Variants in RAD54L2 observed in about 807,000 individuals in gnomAD.
RAD54L2 encodes the protein RAD54 like 2.
RAD54L2 carries 27 observed loss-of-function variants against 138.4 expected under a neutral mutation model. That is an observed-to-expected ratio of 0.20 (90% CI 0.14 to 0.27). The LOEUF (loss-of-function observed/expected upper bound fraction) is 0.27. Ranked by LOEUF, RAD54L2 falls within the 10% of genes least tolerant of loss-of-function variation. RAD54L2 has a pLI of 1.00. For synonymous variants in RAD54L2, 644 were observed against 723.2 expected, an observed-to-expected ratio of 0.89 and a Z score of 1.76; for missense variants, 1,396 against 1,890.2, an observed-to-expected ratio of 0.74 and a Z score of 4.85.
chr3:51,586,475 T>C, intron 2 of RAD54L2, among the ~76,000 whole-genome samples: 1 of 151,632 alleles, frequency 6.6e-6, no homozygotes. Context: ...CACAATTTCT[T>C]CTCTAGAATG....
intron 2 of RAD54L2, among the ~76,000 whole-genome samples, chr3:51,549,177 A>G (rs1698774405): frequency 6.6e-6 from 1 of 151,990 alleles, no homozygotes. Flanking sequence ...TATTTGTAGT[A>G]GAGATGGGGT....
At chr3:51,650,142 G>A (rs998637721) in intron 19 of RAD54L2, among the ~76,000 whole-genome samples, 7 of 152,184 alleles carry the variant, frequency 4.6e-5, no homozygotes, top group African/African-American at 4.8e-5. Flanking sequence ...AATCCTAGTC[G>A]CTATTAAAAT....
chr3:51,631,734 C>G (rs183589581), intron 7 of RAD54L2, among the ~76,000 whole-genome samples: 4 of 152,046 alleles, frequency 2.6e-5, no homozygotes, highest in African/African-American at 9.7e-5. Flanking sequence ...ACTCCCTGGG[C>G]TCAGGTGATC....
At chr3:51,643,801 A>C (rs1336311590) in intron 15 of RAD54L2, 74 bp from the exon 16 acceptor site, 1 of 1,163,826 alleles carries the variant, frequency 8.6e-7, no homozygotes, top group Non-Finnish European at 1.3e-6. Context: ...TCTTTAAAAC[A>C]TATTTGCCCA....
intron 2 of RAD54L2, among the ~76,000 whole-genome samples, chr3:51,547,574 CT>C (rs1224015910): frequency 6.3e-3 from 848 of 134,016 alleles, no homozygotes; most frequent in African/African-American, 7.0e-3. Context: ...TTATAAAACA[CT>C]TTTTTTTTTT....
intron 21 of RAD54L2, among the ~76,000 whole-genome samples, chr3:51,659,357 G>A (rs554226514): frequency 3.3e-5 from 5 of 152,048 alleles, no homozygotes; most frequent in Admixed American, 1.3e-4. Flanking sequence ...CACCCGCCTC[G>A]GCCTCCCAAA....
At chr3:51,625,082 C>G (rs564792783) in intron 3 of RAD54L2, among the ~76,000 whole-genome samples, 2 of 152,120 alleles carry the variant, frequency 1.3e-5, no homozygotes, top group East Asian at 3.9e-4. Flanking sequence ...TGTTTCTTAC[C>G]CCAAAGACAC....
rs1701927184 is a variant in RAD54L2 at position 51,667,128 on chromosome 3, T to C, written c.*3708T>C. 1 of 152,142 alleles carries C rather than the reference T, an allele frequency of 6.6e-6. No individual in the cohort carries two copies. Among genetic ancestry groups the C allele is most frequent in the South Asian group, 2.1e-4 (1 of 4,822 alleles). 9.4% of individuals were successfully genotyped at this position (152,142 alleles called of 1,614,324 possible). ...GGTCTTCTGGGGGCTTTACATTCCT[T>C]GTTACTAGTGTTCTGGATATTACCT... On this transcript the variant is annotated 3_prime_UTR_variant, in exon 23 of 23. Coordinates refer to ENST00000684192, the MANE Select transcript of RAD54L2 (RefSeq NM_015106.4).
chr3:51,548,760 G>A (rs1054560688), intron 2 of RAD54L2, among the ~76,000 whole-genome samples: 2 of 151,700 alleles, frequency 1.3e-5, no homozygotes, highest in East Asian at 3.9e-4. Context: ...ATACACACAA[G>A]GAAGATAGTC....
chr3:51,646,263 C>T, intron 18 of RAD54L2, 22 bp from the exon 19 acceptor site: 1 of 1,557,252 alleles, frequency 6.4e-7, no homozygotes, highest in Non-Finnish European at 8.7e-7. Context: ...GTAACTAAAT[C>T]AACATCCTCC....
rs929711416 is a variant in RAD54L2 at position 51,667,628 on chromosome 3, G to T, written c.*4208G>T. The T allele has an allele frequency of 6.6e-6, 1 of 152,240 alleles. No individual in the cohort carries two copies. Among genetic ancestry groups the T allele is most frequent in the African/African-American group, 2.4e-5 (1 of 41,450 alleles). 9.4% of individuals were successfully genotyped at this position (152,240 alleles called of 1,614,324 possible). On this transcript the variant is annotated 3_prime_UTR_variant, in exon 23 of 23. Coordinates refer to ENST00000684192, the MANE Select transcript of RAD54L2 (RefSeq NM_015106.4). ...CTCTGCTGACTACTCCCAGGAATCA[G>T]CACCTCAAGGACTATTTGAGAATGT...
Position 51,645,740 on chromosome 3 carries a change from A to C in RAD54L2, c.2806A>C (p.Lys936Gln). Residue 936 changes from lysine to glutamine, a missense_variant, in exon 18 of 23, where the codon AAG becomes CAG. Transcript: ENST00000684192. This position sits in a 1 kb window ranked among gnomAD's most constrained non-coding sequence, Gnocchi z 6.1. ...KESVLQLACLKYPHLITKEPF... is the reference protein window; with the variant it reads ...KESVLQLACLQYPHLITKEPF... ...GTCAGTCCTGCAACTGGCCTGTCTG[A>C]AGTACCCTCACCTCATCACCAAGGT... 6.2e-7 allele frequency: 1 copy of C among 1,612,682 alleles called. No homozygotes were observed. Among genetic ancestry groups the C allele is most frequent in the Non-Finnish European group, 8.5e-7 (1 of 1,179,392 alleles).
At chr3:51,599,745 CAAAA>C (rs34126564) in intron 3 of RAD54L2, among the ~76,000 whole-genome samples, 6 of 130,238 alleles carry the variant, frequency 4.6e-5, no homozygotes, top group Non-Finnish European at 6.5e-5. Flanking sequence ...TATTTTTTAC[CAAAA>C]AAAAAAAAAA....
rs748277362 is a variant in RAD54L2, at chr3:51,639,514, G to A, written c.1956G>A (p.Gly652=). ...DLDVEELGSA[G]TSARCPPQGT... ...ACGTGGAAGAACTTGGCTCTGCAGG[G>A]ACCAGTGCCCGCTGTCCACCACAGG... Residue 652 remains glycine (G), a synonymous_variant, in exon 13 of 23, where the codon GGG becomes GGA. Coordinates refer to ENST00000684192, the MANE Select transcript of RAD54L2 (RefSeq NM_015106.4). 6.2e-6 allele frequency: 10 copies of A among 1,614,002 alleles called. No homozygotes were observed. The South Asian group carries it at 8.8e-5, about 14-fold the overall frequency.
chr3:51,653,548 T>C (rs1264977028), intron 19 of RAD54L2, among the ~76,000 whole-genome samples: 1 of 152,152 alleles, frequency 6.6e-6, no homozygotes, highest in African/African-American at 2.4e-5. Flanking sequence ...CCATCAATGA[T>C]AGACTGAATT....
At chr3:51,562,386 C>CGGTAGCGGAGGTGAAAT (rs1234988549) in intron 2 of RAD54L2, among the ~76,000 whole-genome samples, 11 of 152,182 alleles carry the variant, frequency 7.2e-5, no homozygotes, top group African/African-American at 2.4e-4. Context: ...CACCCACCAC[C>CGGTAGCGGAGGTGAAAT]ATGTCTGGCT....
At chr3:51,556,362 C>T (rs565360160) in intron 2 of RAD54L2, among the ~76,000 whole-genome samples, 42 of 152,252 alleles carry the variant, frequency 2.8e-4, no homozygotes, top group African/African-American at 1.0e-3. Context: ...TGGCCTCAAC[C>T]TCCCTGGCCC....
At chr3:51,557,100 T>C (rs566442203) in intron 2 of RAD54L2, among the ~76,000 whole-genome samples, 4 of 152,152 alleles carry the variant, frequency 2.6e-5, no homozygotes, top group Admixed American at 1.3e-4. Flanking sequence ...TGAAGCATCA[T>C]GTACCTGTCA....
At chr3:51,657,695 C>T (rs779627236) in intron 21 of RAD54L2, 26 bp downstream of exon 21, 1 of 1,480,994 alleles carries the variant, frequency 6.8e-7, no homozygotes, top group Non-Finnish European at 9.3e-7. Context: ...AGGACCTGTT[C>T]CCTGCCTTTG....
Sources: allele counts gnomAD v4.1 joint callset (sites outside exome capture counted in the v4.1 genomes callset), GRCh38; gene constraint gnomAD v4.1.1; non-coding constraint Gnocchi (gnomAD v3.1); transcripts MANE v1.5; gene names NCBI Gene and HGNC (gene_info 2026-07-23, HGNC 2026-07-21).